PPARD: variants seen among roughly 807,000 people sequenced by gnomAD.
PPARD encodes the protein peroxisome proliferator activated receptor delta, also known as peroxisome proliferator-activated receptor delta.
Under a neutral mutation model 39.5 loss-of-function variants are expected in PPARD, and 6 were observed. The observed-to-expected ratio is 0.15, with a 90% CI of 0.08 to 0.30. The LOEUF (loss-of-function observed/expected upper bound fraction) is 0.30. Among genes scored for constraint, PPARD ranks in the 10% least tolerant of loss-of-function variants. The pLI is 1.00. For missense variants in PPARD, 397 were observed against 596.8 expected (o/e 0.67, Z 3.49); for synonymous variants, 210 against 231.3 (o/e 0.91, Z 0.83).
intron 2 of PPARD, among the ~76,000 whole-genome samples, chr6:35,359,151 G>A (rs915954331): frequency 2.0e-5 from 3 of 152,234 alleles, no homozygotes; most frequent in East Asian, 1.9e-4. Flanking sequence ...AACGCATAGC[G>A]AGGAGGCCAG....
At chr6:35,355,170 G>A (rs941437518) in intron 2 of PPARD, among the ~76,000 whole-genome samples, 14 of 152,060 alleles carry the variant, frequency 9.2e-5, no homozygotes, top group Admixed American at 2.6e-4. Flanking sequence ...AGGGGAGTGC[G>A]TTGCAGCACC....
intron 2 of PPARD, among the ~76,000 whole-genome samples, chr6:35,353,718 T>A (rs1761395624): frequency 6.6e-6 from 1 of 151,092 alleles, no homozygotes; most frequent in Non-Finnish European, 1.5e-5. Flanking sequence ...AAGAAAGGAG[T>A]CAGGAGGGGC....
intron 2 of PPARD, among the ~76,000 whole-genome samples, chr6:35,394,894 A>G (rs998775264): frequency 1.3e-5 from 2 of 152,050 alleles, no homozygotes; most frequent in African/African-American, 4.8e-5. Context: ...CCCTCATCTC[A>G]GCATTGCCAC....
intron 2 of PPARD, among the ~76,000 whole-genome samples, chr6:35,407,344 C>T (rs903377913): frequency 6.6e-6 from 1 of 152,032 alleles, no homozygotes; most frequent in Admixed American, 6.6e-5. Context: ...TCCCACTCAC[C>T]CTGGGCTCTG....
chr6:35,360,073 A>G (rs1401974095), intron 2 of PPARD, among the ~76,000 whole-genome samples: 2 of 152,100 alleles, frequency 1.3e-5, no homozygotes, highest in Non-Finnish European at 2.9e-5. Flanking sequence ...AAATTTTGGC[A>G]GGCCTTGGGG....
chr6:35,374,307 G>T (rs1050366518), intron 2 of PPARD, among the ~76,000 whole-genome samples: 1 of 140,942 alleles, frequency 7.1e-6, no homozygotes, highest in African/African-American at 3.2e-5. Context: ...GTTCTCGGCG[G>T]TGGGGCGGGG....
intron 2 of PPARD, among the ~76,000 whole-genome samples, chr6:35,406,217 C>G (rs1398004666): frequency 6.6e-6 from 1 of 152,210 alleles, no homozygotes; most frequent in Non-Finnish European, 1.5e-5. Context: ...TGAGCCATGC[C>G]CAGCCCAGCC....
At chr6:35,384,289 G>C (rs1243768420) in intron 2 of PPARD, among the ~76,000 whole-genome samples, 1 of 139,256 alleles carries the variant, frequency 7.2e-6, no homozygotes, top group African/African-American at 2.9e-5. Flanking sequence ...CAGGCCAGCC[G>C]CCCCGTCCGG....
At chr6:35,359,266 C>T (rs1465251652) in intron 2 of PPARD, among the ~76,000 whole-genome samples, 1 of 152,176 alleles carries the variant, frequency 6.6e-6, no homozygotes, top group Non-Finnish European at 1.5e-5. Flanking sequence ...CATTTTGCCC[C>T]TTCTTTCTCC....
At chr6:35,375,130 T>A (rs1762734798) in intron 2 of PPARD, among the ~76,000 whole-genome samples, 3 of 152,110 alleles carry the variant, frequency 2.0e-5, no homozygotes, top group African/African-American at 7.2e-5. Context: ...ATTTTTGGGA[T>A]TTAACTTAAC....
Position 35,425,215 on chromosome 6 carries a change from A to G in PPARD, c.1078+436A>G. The stretch of plus-strand genomic sequence containing the variant: ...CTTGAACCCGAGAGGTGGAGGTTGC[A>G]GTGAGCCAAAATCCCACCACTGCAC... On this transcript the variant is annotated intron_variant, in intron 7 of 7. Transcript: ENST00000360694. The surrounding 1 kb of genome is among the most constrained non-coding windows in gnomAD (Gnocchi z 4.5). 1.0e-6 allele frequency: 1 copy of G among 964,000 alleles called. No individual in the cohort carries two copies. The highest frequency in any genetic ancestry group is 1.3e-6 in the Non-Finnish European group (1 of 796,686). The allele number at this position is 964,000 out of a possible 1,614,324, so 59.7% of individuals were successfully genotyped here.
At position 35,425,235 on chromosome 6, in the gene PPARD, C is replaced by CAATAAATACAATAA. The variant is rs1554214759; in HGVS notation, c.1078+456_1078+457insAATAAATACAATAA. 2.0e-6 allele frequency: 2 copies of CAATAAATACAATAA among 1,001,666 alleles called. No individual in the cohort carries two copies. The highest frequency in any genetic ancestry group is 9.0e-5 in the East Asian group (1 of 11,166). The allele number at this position is 1,001,666 out of a possible 1,614,324, so 62.0% of individuals were successfully genotyped here. On this transcript the variant is annotated intron_variant, in intron 7 of 7. Transcript: ENST00000360694. The surrounding 1 kb of genome is among the most constrained non-coding windows in gnomAD (Gnocchi z 4.5). ...GTTGCAGTGAGCCAAAATCCCACCA[C>CAATAAATACAATAA]TGCACTCCAGCCTGGGTGACAGAGT...
At chr6:35,384,210 A>G (rs1763399344) in intron 2 of PPARD, among the ~76,000 whole-genome samples, 1 of 125,804 alleles carries the variant, frequency 7.9e-6, no homozygotes. Context: ...TCCGGGAGGG[A>G]GGTGGGGGGG....
intron 2 of PPARD, among the ~76,000 whole-genome samples, chr6:35,406,438 C>A (rs1226638324): frequency 1.3e-5 from 2 of 152,148 alleles, no homozygotes; most frequent in Non-Finnish European, 2.9e-5. Context: ...AGATGACAGA[C>A]CTCAGCTGTA....
intron 1 of PPARD, among the ~76,000 whole-genome samples, chr6:35,342,883 G>C (rs1791931480): frequency 6.6e-6 from 1 of 152,178 alleles, no homozygotes; most frequent in East Asian, 1.9e-4. Context: ...TGCCATGTAG[G>C]CGCCCCGCTG....
intron 2 of PPARD, among the ~76,000 whole-genome samples, chr6:35,355,857 C>T (rs745342149): frequency 5.9e-5 from 9 of 151,616 alleles, no homozygotes; most frequent in South Asian, 2.1e-4. Flanking sequence ...GTGATCCGCC[C>T]GTCTCAGCCT....
chr6:35,423,528 G>A (rs1766344724), intron 5 of PPARD, among the ~76,000 whole-genome samples: 1 of 149,732 alleles, frequency 6.7e-6, no homozygotes, highest in Non-Finnish European at 1.5e-5. Flanking sequence ...GCGAGACTCT[G>A]TCTCAAAAAA....
intron 2 of PPARD, among the ~76,000 whole-genome samples, chr6:35,410,499 C>T (rs989603193): frequency 1.3e-5 from 2 of 152,200 alleles, no homozygotes; most frequent in Non-Finnish European, 2.9e-5. Flanking sequence ...TTTTTCCACA[C>T]CCAACCACTG....
At chr6:35,404,416 A>T (rs765766521) in intron 2 of PPARD, among the ~76,000 whole-genome samples, 4 of 152,208 alleles carry the variant, frequency 2.6e-5, no homozygotes, top group Non-Finnish European at 4.4e-5. Flanking sequence ...GTGGTGATCC[A>T]GCTTAGGCTC....
Sources: allele counts gnomAD v4.1 joint callset (sites outside exome capture counted in the v4.1 genomes callset), GRCh38; gene constraint gnomAD v4.1.1; non-coding constraint Gnocchi (gnomAD v3.1); transcripts MANE v1.5; gene names NCBI Gene and HGNC (gene_info 2026-07-23, HGNC 2026-07-21).